CRACD: variants seen among roughly 807,000 people sequenced by gnomAD.
The protein encoded by CRACD is capping protein inhibiting regulator of actin dynamics.
In CRACD, 56 loss-of-function variants were observed where a neutral mutation model predicts 106.8. The ratio of observed to expected loss-of-function variants is 0.52; its 90% confidence interval spans 0.42 to 0.66. The LOEUF is 0.66. Ranked by LOEUF, CRACD falls within the 30% of genes least tolerant of loss-of-function variation. The pLI, the probability that CRACD is intolerant of heterozygous loss-of-function variation, is 0.00. For synonymous variants in CRACD, 754 were observed against 670.8 expected (o/e 1.12, Z -1.92); for missense variants, 1,730 against 1,623.2 (o/e 1.07, Z -1.13).
intron 1 of CRACD, among the ~76,000 whole-genome samples, chr4:56,134,241 T>G (rs907378946): frequency 6.6e-6 from 1 of 151,968 alleles, no homozygotes; most frequent in Admixed American, 6.6e-5. Context: ...AGGGTAGACA[T>G]TTTGGACAGT....
chr4:56,256,409 T>C (rs1034125092), intron 2 of CRACD, among the ~76,000 whole-genome samples: 1 of 152,326 alleles, frequency 6.6e-6, no homozygotes, highest in East Asian at 1.9e-4. Flanking sequence ...CTTTTGTAAA[T>C]TGCCCAGTCT....
intron 3 of CRACD, among the ~76,000 whole-genome samples, chr4:56,273,919 T>A (rs1742518153): frequency 6.6e-6 from 1 of 152,234 alleles, no homozygotes; most frequent in South Asian, 2.1e-4. Context: ...CTGTGGTGTG[T>A]GTCAGTAAGT....
intron 1 of CRACD, among the ~76,000 whole-genome samples, chr4:56,165,388 T>C (rs1276611042): frequency 6.6e-6 from 1 of 152,200 alleles, no homozygotes; most frequent in Non-Finnish European, 1.5e-5. Flanking sequence ...CCAGGTGCTA[T>C]GTGTACTGAC....
intron 4 of CRACD, among the ~76,000 whole-genome samples, chr4:56,305,052 A>T (rs1520031): frequency 0.67 from 101,715 of 151,484 alleles, 35,668 homozygotes; most frequent in East Asian, 0.91. Flanking sequence ...AGACCCCGTC[A>T]CTACAAGAAA....
At chr4:56,313,636 GA>G (rs1268211063) in intron 7 of CRACD, among the ~76,000 whole-genome samples, 1 of 152,220 alleles carries the variant, frequency 6.6e-6, no homozygotes, top group African/African-American at 2.4e-5. Flanking sequence ...CTTTGCAGTG[GA>G]AAAGTGGTTT....
At chr4:56,108,411 C>T (rs28488125) in intron 1 of CRACD, among the ~76,000 whole-genome samples, 20,012 of 152,200 alleles carry the variant, frequency 0.13, 1,354 homozygotes, top group East Asian at 0.19. Flanking sequence ...ATATAAAATA[C>T]AATGATTGAC....
At chr4:56,191,467 C>T (rs1429617693) in intron 2 of CRACD, among the ~76,000 whole-genome samples, 1 of 151,852 alleles carries the variant, frequency 6.6e-6, no homozygotes, top group East Asian at 1.9e-4. Context: ...ATCACATCCT[C>T]TCCTGTGATT....
intron 1 of CRACD, among the ~76,000 whole-genome samples, chr4:56,053,164 G>A (rs984679411): frequency 2.3e-4 from 35 of 152,292 alleles, no homozygotes; most frequent in African/African-American, 8.2e-4. Flanking sequence ...ATGAATGTCG[G>A]CTTTTGTTAA....
chr4:56,185,796 G>A (rs1425851210), intron 2 of CRACD, among the ~76,000 whole-genome samples: 6 of 152,174 alleles, frequency 3.9e-5, no homozygotes, highest in African/African-American at 1.4e-4. Context: ...CATTGTTCTA[G>A]TGGTCTGAAC....
intron 8 of CRACD, among the ~76,000 whole-genome samples, chr4:56,322,160 G>T (rs1746144818): frequency 6.6e-6 from 1 of 152,168 alleles, no homozygotes; most frequent in Non-Finnish European, 1.5e-5. Flanking sequence ...GGAGATTCTT[G>T]TCTCATAGGC....
chr4:56,330,190 CTTTTT>C lies in CRACD; in HGVS notation c.*2396_*2400del, dbSNP rs34984806. ...GAATGATCACTATGTTAAATGCAAA[CTTTTT>C]TTTTTTTTTATTTAAACAAACATAC... is the stretch of plus-strand genomic sequence containing the variant. On this transcript the variant is annotated 3_prime_UTR_variant, in exon 11 of 11. Coordinates refer to ENST00000682029, the MANE Select transcript of CRACD (RefSeq NM_001393381.1). Among the ~76,000 whole-genome samples, 1 of 147,856 alleles carries C rather than the reference CTTTTT, an allele frequency of 6.8e-6. No homozygotes were observed. The highest frequency in any genetic ancestry group is 1.5e-5 in the Non-Finnish European group (1 of 66,812).
intron 1 of CRACD, among the ~76,000 whole-genome samples, chr4:56,091,320 C>T (rs1249545125): frequency 6.6e-6 from 1 of 151,620 alleles, no homozygotes; most frequent in East Asian, 1.9e-4. Context: ...AGTGCTGTGT[C>T]CTGGGATTTT....
chr4:56,276,870 A>ACAT (rs1174868450), intron 3 of CRACD, among the ~76,000 whole-genome samples: 1 of 152,228 alleles, frequency 6.6e-6, no homozygotes, highest in South Asian at 2.1e-4. Flanking sequence ...AGTGTTTGTT[A>ACAT]CATCATGCAT....
intron 1 of CRACD, among the ~76,000 whole-genome samples, chr4:56,171,348 A>G (rs1419278315): frequency 2.6e-5 from 4 of 152,226 alleles, no homozygotes; most frequent in Non-Finnish European, 5.9e-5. Context: ...GGAGGAGCAA[A>G]AGAGTATGTA....
chr4:56,260,212 T>C (rs598210), intron 2 of CRACD, among the ~76,000 whole-genome samples: 117,265 of 152,210 alleles, frequency 0.77, 45,417 homozygotes, highest in Middle Eastern at 0.86. Flanking sequence ...TTTCTTCCCT[T>C]TGTTATCCAC....
chr4:56,124,667 A>G (rs1322228610), intron 1 of CRACD, among the ~76,000 whole-genome samples: 4 of 152,140 alleles, frequency 2.6e-5, no homozygotes. Flanking sequence ...TGGTTGAGAT[A>G]TTTCTTAATT....
At chr4:56,231,697 T>C (rs1479373913) in intron 2 of CRACD, among the ~76,000 whole-genome samples, 1 of 152,228 alleles carries the variant, frequency 6.6e-6, no homozygotes, top group Non-Finnish European at 1.5e-5. Flanking sequence ...GCTACGTGCT[T>C]CCATTTACAT....
chr4:56,149,715 T>A (rs1377808340), intron 1 of CRACD, among the ~76,000 whole-genome samples: 1 of 152,238 alleles, frequency 6.6e-6, no homozygotes, highest in Non-Finnish European at 1.5e-5. Context: ...CAGAGCTAGT[T>A]TGAATTTTTA....
intron 1 of CRACD, among the ~76,000 whole-genome samples, chr4:56,114,821 C>T (rs1734227750): frequency 6.6e-6 from 1 of 151,996 alleles, no homozygotes; most frequent in Non-Finnish European, 1.5e-5. Context: ...TTTACATATG[C>T]AGTATACTGT....
Sources: gnomAD v4.1 joint callset for allele counts (sites outside exome capture counted in the v4.1 genomes callset) on GRCh38, gnomAD v4.1.1 for gene constraint, MANE v1.5 for transcripts, NCBI Gene and HGNC (gene_info 2026-07-23, HGNC 2026-07-21) for gene names.